Variants in GRK5 observed in about 807,000 individuals in gnomAD.
The protein encoded by GRK5 is G protein-coupled receptor kinase 5.
A neutral mutation model predicts 78.4 loss-of-function variants in GRK5; 40 were observed. The observed-to-expected ratio is 0.51, with a 90% CI of 0.40 to 0.66. The LOEUF (loss-of-function observed/expected upper bound fraction) is 0.66. Ranked by LOEUF, GRK5 falls within the 30% of genes least tolerant of loss-of-function variation. The pLI is 0.00. For missense variants in GRK5, 598 were observed against 759.9 expected, an observed-to-expected ratio of 0.79 and a Z score of 2.50; for synonymous variants, 289 against 296.8, an observed-to-expected ratio of 0.97 and a Z score of 0.27.
chr10:119,301,482 A>C (rs937907813), intron 1 of GRK5, among the ~76,000 whole-genome samples: 3 of 152,182 alleles, frequency 2.0e-5, no homozygotes, highest in Admixed American at 1.3e-4. Flanking sequence ...CGAAGTACAC[A>C]GGGTGTGGAC....
At chr10:119,423,104 C>A (rs1852602216) in intron 4 of GRK5, 62 bp from the exon 5 acceptor site, 3 of 1,157,220 alleles carry the variant, frequency 2.6e-6, no homozygotes, top group Non-Finnish European at 2.6e-6. Flanking sequence ...CACCTGTGGG[C>A]AAACCCGGCC....
At chr10:119,357,519 C>T (rs1445119412) in intron 2 of GRK5, among the ~76,000 whole-genome samples, 1 of 152,216 alleles carries the variant, frequency 6.6e-6, no homozygotes, top group African/African-American at 2.4e-5. Flanking sequence ...CCTCCTGCTG[C>T]CTGCTCCTGG....
intron 1 of GRK5, among the ~76,000 whole-genome samples, chr10:119,298,885 C>G (rs1850127755): frequency 6.6e-6 from 1 of 152,202 alleles, no homozygotes; most frequent in Non-Finnish European, 1.5e-5. Context: ...AGCCTTTGCT[C>G]AAACACTGCC....
chr10:119,260,921 C>G (rs1187258845), intron 1 of GRK5, among the ~76,000 whole-genome samples: 1 of 151,046 alleles, frequency 6.6e-6, no homozygotes, highest in African/African-American at 2.4e-5. Context: ...AGCTGTTGGG[C>G]ACACCTCCCA....
At chr10:119,243,712 A>G (rs992095486) in intron 1 of GRK5, among the ~76,000 whole-genome samples, 8 of 152,138 alleles carry the variant, frequency 5.3e-5, no homozygotes, top group Admixed American at 4.6e-4. Flanking sequence ...AACCAGCAGG[A>G]AAGTCACGGA....
chr10:119,350,908 C>A (rs1589759107), intron 2 of GRK5, among the ~76,000 whole-genome samples: 1 of 152,312 alleles, frequency 6.6e-6, no homozygotes, highest in Non-Finnish European at 1.5e-5. Context: ...CTGTCCAGGT[C>A]TCTGATGGGG....
rs140713862 is a variant in GRK5, at chr10:119,250,030, G to T, written c.52+42061G>T. On this transcript the variant is annotated intron_variant, in intron 1 of 15. Coordinates refer to ENST00000392870, the MANE Select transcript of GRK5 (RefSeq NM_005308.3). ...TTGGCAACTCTGGATAGGGACTAGG[G>T]CTTAGAAAAGAACACTGAATCCTCA... Among the ~76,000 whole-genome samples the T allele has an allele frequency of 7.9e-5, 12 of 152,254 alleles. No homozygotes were observed. The East Asian group carries it at 1.9e-3, about 24-fold the overall frequency.
rs574852920 is a variant in GRK5, at chr10:119,276,471, G to A, written c.53-50045G>A. On this transcript the variant is annotated intron_variant, in intron 1 of 15. Coordinates refer to ENST00000392870, the MANE Select transcript of GRK5 (RefSeq NM_005308.3). ...CTGCATAGTGTTCCATGGTGTATAT[G>A]TGCCACATTTTCTTAATCCAGTCTA... is the stretch of plus-strand genomic sequence containing the variant. 3.3e-3 allele frequency among the ~76,000 whole-genome samples: 509 copies of A among 152,270 alleles called. 2 individuals carry two copies. The highest frequency in any genetic ancestry group is 5.2e-3 in the African/African-American group (214 of 41,550).
At chr10:119,438,998 G>T (rs919235155) in intron 9 of GRK5, among the ~76,000 whole-genome samples, 1 of 152,246 alleles carries the variant, frequency 6.6e-6, no homozygotes, top group African/African-American at 2.4e-5. Flanking sequence ...TCCAGATCCT[G>T]TGTACTGTTT....
At chr10:119,392,062 A>G (rs1348085877) in intron 3 of GRK5, among the ~76,000 whole-genome samples, 4 of 152,356 alleles carry the variant, frequency 2.6e-5, no homozygotes, top group Middle Eastern at 3.4e-3. Flanking sequence ...TCTTAAAAGC[A>G]TCTGAAGGAA....
At chr10:119,362,655 T>C (rs1851385339) in intron 2 of GRK5, among the ~76,000 whole-genome samples, 1 of 152,220 alleles carries the variant, frequency 6.6e-6, no homozygotes, top group South Asian at 2.1e-4. Flanking sequence ...AACACGTGCT[T>C]TTGAGATTTG....
intron 1 of GRK5, among the ~76,000 whole-genome samples, chr10:119,276,603 T>C (rs1233313281): frequency 6.6e-6 from 1 of 152,260 alleles, no homozygotes; most frequent in Non-Finnish European, 1.5e-5. Flanking sequence ...TATAGTCTTT[T>C]GGGTATATAC....
chr10:119,328,018 C>T (rs1402990965), intron 2 of GRK5, among the ~76,000 whole-genome samples: 7 of 152,214 alleles, frequency 4.6e-5, no homozygotes, highest in Admixed American at 4.6e-4. Flanking sequence ...AGCCTGTTTC[C>T]CCAGCTGTAA....
At chr10:119,258,131 C>T (rs1238128339) in intron 1 of GRK5, among the ~76,000 whole-genome samples, 1 of 152,178 alleles carries the variant, frequency 6.6e-6, no homozygotes, top group Non-Finnish European at 1.5e-5. Context: ...CCTCCTACTC[C>T]TAGCCCCAGC....
chr10:119,448,279 C>A lies in GRK5; in HGVS notation c.1404+19C>A. 6.3e-7 allele frequency: 1 copy of A among 1,578,830 alleles called. No homozygotes were observed. Among genetic ancestry groups the A allele is most frequent in the Non-Finnish European group, 8.6e-7 (1 of 1,166,806 alleles). On this transcript the variant is annotated intron_variant, in intron 13 of 15. Transcript: ENST00000392870. ...TCCAGACGTGAGTAGCCTCCCCCAG[C>A]CCCCAGCAGCTCCCTTCACAGGGTA...
intron 4 of GRK5, among the ~76,000 whole-genome samples, chr10:119,413,154 C>T (rs987563240): frequency 1.3e-5 from 2 of 151,994 alleles, no homozygotes; most frequent in Non-Finnish European, 2.9e-5. Context: ...CACGGCGGTA[C>T]CTAGGCTGGG....
At chr10:119,261,893 G>T (rs1237591966) in intron 1 of GRK5, among the ~76,000 whole-genome samples, 1 of 151,592 alleles carries the variant, frequency 6.6e-6, no homozygotes, top group Non-Finnish European at 1.5e-5. Context: ...ACTGTGGAAA[G>T]AGAGGGAGAG....
At position 119,217,598 on chromosome 10, in the gene GRK5, G is replaced by A. The variant is rs960064448; in HGVS notation, c.52+9629G>A. ...AGTGGCCAACGAATTGCCCCCAAGG[G>A]ACTGGATGTGAAGCCCCATGGGTGG... On this transcript the variant is annotated intron_variant, in intron 1 of 15. Coordinates refer to ENST00000392870, the MANE Select transcript of GRK5 (RefSeq NM_005308.3). The surrounding 1 kb of genome is among the most constrained non-coding windows in gnomAD (Gnocchi z 4.1). 2.6e-5 allele frequency among the ~76,000 whole-genome samples: 4 copies of A among 152,240 alleles called. No homozygotes were observed. Among genetic ancestry groups the A allele is most frequent in the African/African-American group, 9.6e-5 (4 of 41,458 alleles).
intron 2 of GRK5, among the ~76,000 whole-genome samples, chr10:119,342,724 A>C (rs1851004376): frequency 6.6e-6 from 1 of 152,190 alleles, no homozygotes; most frequent in South Asian, 2.1e-4. Flanking sequence ...CTTCCAGGCC[A>C]GGGAGCCAGG....
Sources: allele counts gnomAD v4.1 joint callset (sites outside exome capture counted in the v4.1 genomes callset), GRCh38; gene constraint gnomAD v4.1.1; non-coding constraint Gnocchi (gnomAD v3.1); transcripts MANE v1.5; gene names NCBI Gene and HGNC (gene_info 2026-07-23, HGNC 2026-07-21).